ZNF326: variants seen among roughly 807,000 people sequenced by gnomAD.
ZNF326 encodes the protein DBIRD complex subunit ZNF326.
ZNF326 carries 30 observed loss-of-function variants against 63.1 expected under a neutral mutation model. The observed-to-expected ratio is 0.48, with a 90% CI of 0.36 to 0.64. ZNF326 has a LOEUF of 0.64. Ranked by LOEUF, ZNF326 falls within the 30% of genes least tolerant of loss-of-function variation. ZNF326 has a pLI of 0.00. For missense variants in ZNF326, 609 were observed against 720.3 expected, an observed-to-expected ratio of 0.85 and a Z score of 1.77; for synonymous variants, 194 against 228.2, an observed-to-expected ratio of 0.85 and a Z score of 1.35.
At chr1:90,015,174 C>T (rs942786021) in intron 7 of ZNF326, among the ~76,000 whole-genome samples, 6 of 152,042 alleles carry the variant, frequency 3.9e-5, no homozygotes, top group South Asian at 2.1e-4. Context: ...TATGAGGATT[C>T]GAGATTGAGT....
In ZNF326 at chr1:89,995,177, TGGAATC is replaced by T; in HGVS notation, c.-79_-74del. The stretch of plus-strand genomic sequence containing the variant: ...CTCTCGGTCGCGCGGAGTGATCGTG[TGGAATC>T]GCGGGTCGCGGACGCTCGCCGCCGG... On this transcript the variant is annotated 5_prime_UTR_variant, in exon 1 of 12. Transcript: ENST00000340281. The T allele has an allele frequency of 6.7e-7, 1 of 1,483,614 alleles. No individual in the cohort carries two copies. The highest frequency in any genetic ancestry group is 2.7e-5 in the East Asian group (1 of 37,112). The allele number at this position is 1,483,614 out of a possible 1,614,324, so 91.9% of individuals were successfully genotyped here.
chr1:89,995,560 C>T (rs1648316053), intron 1 of ZNF326, among the ~76,000 whole-genome samples: 1 of 152,250 alleles, frequency 6.6e-6, no homozygotes, highest in Non-Finnish European at 1.5e-5. Context: ...TCGCCTTGGC[C>T]CCTGGTAGTG....
chr1:90,017,583 G>A lies in ZNF326; in HGVS notation c.1074+119G>A, dbSNP rs887643652. 3.3e-6 allele frequency: 3 copies of A among 911,050 alleles called. No individual in the cohort carries two copies. In the African/African-American group the frequency reaches 5.3e-5, roughly 16 times the overall value. 56.4% of individuals were successfully genotyped at this position (911,050 alleles called of 1,614,324 possible). A position where few individuals can be genotyped will look rare whatever the true frequency, so the allele number is the denominator to read the frequency against. ...CTAAAATTTTAATTTACTATTTAAA[G>A]AAAGAGTTGTTTTAAAATTAACTCA... On this transcript the variant is annotated intron_variant, in intron 8 of 11. Coordinates refer to ENST00000340281, the MANE Select transcript of ZNF326 (RefSeq NM_182976.4).
intron 5 of ZNF326, 120 bp from the exon 6 acceptor site, chr1:90,009,968 A>T: frequency 1.1e-6 from 1 of 880,430 alleles, no homozygotes; most frequent in Non-Finnish European, 1.7e-6. Flanking sequence ...TGTAAAATTT[A>T]GTTACATTCC....
At chr1:90,010,764 A>G (rs1233245729) in intron 6 of ZNF326, among the ~76,000 whole-genome samples, 1 of 152,152 alleles carries the variant, frequency 6.6e-6, no homozygotes, top group Non-Finnish European at 1.5e-5. Context: ...GTAATATTTG[A>G]AAAAACTGAA....
In ZNF326 at chr1:89,998,060, A is replaced by G. The variant is rs756312808; in HGVS notation, c.17-50A>G. The G allele has an allele frequency of 5.2e-6, 8 of 1,544,080 alleles. No homozygotes were observed. The African/African-American group carries it at 5.5e-5, about 11-fold the overall frequency. On this transcript the variant is annotated intron_variant, in intron 1 of 11. Coordinates refer to ENST00000340281, the MANE Select transcript of ZNF326 (RefSeq NM_182976.4). Reference sequence around the variant, plus strand: ...TTACTGGATCGGCATATAATTTTGAATTATTGCTAATATCACACTAATTCC... The same window carrying G: ...TTACTGGATCGGCATATAATTTTGAGTTATTGCTAATATCACACTAATTCC...
chr1:90,010,738 A>G lies in ZNF326; in HGVS notation c.814+452A>G, dbSNP rs189780668. Among the ~76,000 whole-genome samples, 8 of 152,304 alleles carry G rather than the reference A, an allele frequency of 5.3e-5. No individual in the cohort carries two copies. The East Asian group carries it at 1.3e-3, about 26-fold the overall frequency. ...TAACTTTTTCCCTAATTATGACATT[A>G]TAGACATTTTAATATGTAATATTTG... On this transcript the variant is annotated intron_variant, in intron 6 of 11. Coordinates refer to ENST00000340281, the MANE Select transcript of ZNF326 (RefSeq NM_182976.4).
chr1:90,007,618 T>C lies in ZNF326; in HGVS notation c.483T>C (p.Ser161=). 6.3e-7 allele frequency: 1 copy of C among 1,597,572 alleles called. No homozygotes were observed. The highest frequency in any genetic ancestry group is 1.1e-5 in the South Asian group (1 of 89,158). ...RENYSSYSSF[S]SPHMKPAPVG... is the part of the protein sequence containing the mutation. ...ATTACTCTTCCTACAGCAGTTTTTC[T>C]TCACCCCATATGAAGCCTGCACCTG... is the stretch of plus-strand genomic sequence containing the variant. The change falls in exon 5 of 12, where the codon TCT becomes TCC. Residue 161 remains serine, a synonymous_variant. Coordinates refer to ENST00000340281, the MANE Select transcript of ZNF326 (RefSeq NM_182976.4). The surrounding 1 kb of genome is among the most constrained non-coding windows in gnomAD (Gnocchi z 4.9).
At chr1:90,011,130 G>GAT (rs971409909) in intron 6 of ZNF326, among the ~76,000 whole-genome samples, 1 of 152,078 alleles carries the variant, frequency 6.6e-6, no homozygotes, top group African/African-American at 2.4e-5. Context: ...CCTTAAAGCA[G>GAT]ATATATATGT....
chr1:90,030,546 C>T lies in ZNF326; in HGVS notation c.*2845C>T, dbSNP rs940056591. 6.6e-6 allele frequency: 1 copy of T among 152,096 alleles called. No individual in the cohort carries two copies. The highest frequency in any genetic ancestry group is 1.9e-4 in the East Asian group (1 of 5,196). The allele number at this position is 152,096 out of a possible 1,614,324, so 9.4% of individuals were successfully genotyped here. On this transcript the variant is annotated 3_prime_UTR_variant, in exon 12 of 12. Coordinates refer to ENST00000340281, the MANE Select transcript of ZNF326 (RefSeq NM_182976.4). ...AGCTTTCCTTGGCTGATTCTTCATC[C>T]TTCAGGTCACCTTAAATGTTAGAAA...
In ZNF326 at chr1:90,021,435, G is replaced by A. The variant is rs2816880; in HGVS notation, c.1305+513G>A. Among the ~76,000 whole-genome samples the A allele has an allele frequency of 8.8e-3, 1,344 of 152,088 alleles. 16 individuals are homozygous for A. The highest frequency in any genetic ancestry group is 0.031 in the African/African-American group (1,282 of 41,514). On this transcript the variant is annotated intron_variant, in intron 10 of 11. Transcript: ENST00000340281. ...TTATTACTGATACATTTTTCTGATG[G>A]TTGGGAAAAATACATTTAAAAACAG...
intron 11 of ZNF326, among the ~76,000 whole-genome samples, chr1:90,025,093 C>T (rs1297694568): frequency 6.7e-6 from 1 of 148,922 alleles, no homozygotes; most frequent in East Asian, 2.0e-4. Flanking sequence ...ATCATCTTGT[C>T]TCTTCCCAGC....
intron 7 of ZNF326, among the ~76,000 whole-genome samples, chr1:90,014,052 G>A (rs1205481335): frequency 4.0e-5 from 6 of 150,010 alleles, no homozygotes; most frequent in East Asian, 3.9e-4. Context: ...GCAACAGAGC[G>A]AGACTCTGTC....
intron 2 of ZNF326, among the ~76,000 whole-genome samples, chr1:90,002,506 A>G (rs1648734240): frequency 6.6e-6 from 1 of 152,198 alleles, no homozygotes; most frequent in Non-Finnish European, 1.5e-5. Flanking sequence ...TTTCATTTTG[A>G]AAACTTTATT....
rs1446947340 is a variant in ZNF326, at chr1:90,029,174, A to G, written c.*1473A>G. On this transcript the variant is annotated 3_prime_UTR_variant, in exon 12 of 12. Coordinates refer to ENST00000340281, the MANE Select transcript of ZNF326 (RefSeq NM_182976.4). Reference sequence around the variant, plus strand: ...AATGGATAAATGGATGGATATATCAAATTGTAAGGTATTAAGTGGGTGAAT... The same window carrying G: ...AATGGATAAATGGATGGATATATCAGATTGTAAGGTATTAAGTGGGTGAAT... 4 of 152,206 alleles carry G rather than the reference A, an allele frequency of 2.6e-5. No homozygotes were observed. The highest frequency in any genetic ancestry group is 2.1e-4 in the South Asian group (1 of 4,832). The allele number at this position is 152,206 out of a possible 1,614,324, so 9.4% of individuals were successfully genotyped here. A position where few individuals can be genotyped will look rare whatever the true frequency, so the allele number is the denominator to read the frequency against.
intron 7 of ZNF326, among the ~76,000 whole-genome samples, chr1:90,015,450 C>T (rs979803586): frequency 1.3e-5 from 2 of 152,184 alleles, no homozygotes; most frequent in Admixed American, 6.5e-5. Context: ...GAGGCCAAGG[C>T]AGGCGGATTG....
chr1:90,027,983 A>G lies in ZNF326; in HGVS notation c.*282A>G. On this transcript the variant is annotated 3_prime_UTR_variant, in exon 12 of 12. Transcript: ENST00000340281. ...ACTTTATTGGTGTTAAGGATAACAAATGTGTATTGTTAGTATATCTATTCT... is the reference window on the plus strand; with the variant it reads ...ACTTTATTGGTGTTAAGGATAACAAGTGTGTATTGTTAGTATATCTATTCT... 1 of 373,700 alleles carries G rather than the reference A, an allele frequency of 2.7e-6. No individual in the cohort carries two copies. 23.1% of individuals were successfully genotyped at this position (373,700 alleles called of 1,614,324 possible).
intron 2 of ZNF326, among the ~76,000 whole-genome samples, chr1:90,000,840 A>G (rs1356126631): frequency 6.6e-6 from 1 of 152,202 alleles, no homozygotes; most frequent in African/African-American, 2.4e-5. Context: ...AAGACCTGAA[A>G]AAGTTGAGGG....
intron 11 of ZNF326, among the ~76,000 whole-genome samples, chr1:90,022,722 C>G (rs964171395): frequency 6.6e-6 from 1 of 152,172 alleles, no homozygotes; most frequent in African/African-American, 2.4e-5. Context: ...CTCCCAATTT[C>G]TGTTACCAGC....
Sources: gnomAD v4.1 joint callset for allele counts (sites outside exome capture counted in the v4.1 genomes callset) on GRCh38, gnomAD v4.1.1 for gene constraint, Gnocchi (gnomAD v3.1) non-coding constraint, MANE v1.5 for transcripts, NCBI Gene and HGNC (gene_info 2026-07-23, HGNC 2026-07-21) for gene names.